Variants in CNBP observed in about 807,000 individuals in gnomAD.
CNBP encodes the protein CCHC-type zinc finger nucleic acid binding protein, also known as cellular nucleic acid-binding protein.
A neutral mutation model predicts 21.2 loss-of-function variants in CNBP; 6 were observed. The observed-to-expected ratio is 0.28, with a 90% CI of 0.16 to 0.56. CNBP has a LOEUF of 0.56. Among genes scored for constraint, CNBP ranks in the 20% least tolerant of loss-of-function variants. CNBP has a pLI of 0.93. For synonymous variants in CNBP, 61 were observed against 74.9 expected, an observed-to-expected ratio of 0.81 and a Z score of 0.96; for missense variants, 112 against 233.1, an observed-to-expected ratio of 0.48 and a Z score of 3.38.
intron 3 of CNBP, 66 bp downstream of exon 3, chr3:129,171,378 TAC>T (rs1396124020): frequency 2.5e-6 from 4 of 1,589,516 alleles, no homozygotes; most frequent in Non-Finnish European, 3.5e-6. Context: ...GGAAATGCTA[TAC>T]ACAGTTGCAT....
chr3:129,179,892 G>A (rs1176319549), intron 1 of CNBP, among the ~76,000 whole-genome samples: 1 of 152,068 alleles, frequency 6.6e-6, no homozygotes. Flanking sequence ...TATAGTCCCA[G>A]CTACTCAGGA....
In CNBP at chr3:129,168,819, G is replaced by A. The variant is rs531828845; in HGVS notation, c.*1634C>T. On this transcript the variant is annotated 3_prime_UTR_variant, in exon 5 of 5. Transcript: ENST00000422453. ...CTACTAAAAATACAAAAAATAGGCC[G>A]GGCGCGGTGGCTCACGCCTGTGATC... Among the ~76,000 whole-genome samples the A allele has an allele frequency of 9.7e-4, 147 of 151,934 alleles. No homozygotes were observed. The highest frequency in any genetic ancestry group is 3.4e-3 in the Middle Eastern group (1 of 294).
intron 1 of CNBP, among the ~76,000 whole-genome samples, chr3:129,175,318 C>T (rs931932994): frequency 9.2e-5 from 14 of 151,374 alleles, no homozygotes; most frequent in African/African-American, 2.4e-4. Flanking sequence ...AGCAAGACTC[C>T]GTCTTCAAAG....
At chr3:129,180,569 C>T (rs1241981779) in intron 1 of CNBP, among the ~76,000 whole-genome samples, 1 of 152,172 alleles carries the variant, frequency 6.6e-6, no homozygotes, top group Non-Finnish European at 1.5e-5. Context: ...CATGAAAATG[C>T]TGCATAGCTT....
At position 129,183,779 on chromosome 3, in the gene CNBP, C is replaced by T. The variant is rs1938487865; in HGVS notation, c.-18G>A. The T allele has an allele frequency of 6.5e-6, 1 of 152,970 alleles. No individual in the cohort carries two copies. The highest frequency in any genetic ancestry group is 2.1e-4 in the South Asian group (1 of 4,846). The allele number at this position is 152,970 out of a possible 1,614,324, so 9.5% of individuals were successfully genotyped here. A position where few individuals can be genotyped will look rare whatever the true frequency, so the allele number is the denominator to read the frequency against. ...GGGCCCCTCCCCCAGCCCTCACCTT[C>T]CGCGTCGGAGCGGGCCCGCAGCGGC... On this transcript the variant is annotated 5_prime_UTR_variant, in exon 1 of 5. Transcript: ENST00000422453.
At chr3:129,178,964 C>T (rs534760604) in intron 1 of CNBP, among the ~76,000 whole-genome samples, 168 of 151,888 alleles carry the variant, frequency 1.1e-3, no homozygotes, top group Non-Finnish European at 2.0e-3. Flanking sequence ...GCCAGGATGG[C>T]CCAGATTCTT....
At chr3:129,174,629 A>G (rs984218145) in intron 1 of CNBP, among the ~76,000 whole-genome samples, 1 of 147,074 alleles carries the variant, frequency 6.8e-6, no homozygotes, top group African/African-American at 2.5e-5. Context: ...ATTGCACTCC[A>G]ACGTGGGTTA....
chr3:129,169,043 A>C lies in CNBP; in HGVS notation c.*1410T>G, dbSNP rs1055172788. Among the ~76,000 whole-genome samples the C allele has an allele frequency of 6.6e-6, 1 of 151,922 alleles. No individual in the cohort carries two copies. Among genetic ancestry groups the C allele is most frequent in the African/African-American group, 2.4e-5 (1 of 41,344 alleles). ...CACGAACCCAGGAGGCGGAGCTTGC[A>C]GTGAGCCGAGATCGCACCACTACAC... On this transcript the variant is annotated 3_prime_UTR_variant, in exon 5 of 5. Transcript: ENST00000422453.
At chr3:129,180,089 T>C (rs1448772290) in intron 1 of CNBP, among the ~76,000 whole-genome samples, 5 of 152,150 alleles carry the variant, frequency 3.3e-5, no homozygotes, top group African/African-American at 4.8e-5. Flanking sequence ...AATGCTATTG[T>C]GTAATATTTT....
intron 1 of CNBP, among the ~76,000 whole-genome samples, chr3:129,175,270 G>A (rs1374065116): frequency 6.6e-6 from 1 of 151,832 alleles, no homozygotes; most frequent in Non-Finnish European, 1.5e-5. Context: ...GTTGCAGTGA[G>A]CTGAGACTGG....
chr3:129,171,629 A>G lies in CNBP; in HGVS notation c.124+5T>C, dbSNP rs1038908019. 3 of 1,614,156 alleles carry G rather than the reference A, an allele frequency of 1.9e-6. No homozygotes were observed. Among genetic ancestry groups the G allele is most frequent in the Middle Eastern group, 1.6e-4 (1 of 6,062 alleles). ...TACTTCAAATTTTTCTATTCGACAA[A>G]ATACCTCTATCCGAGGTAAAACCAC... On this transcript the variant is annotated splice_donor_5th_base_variant and intron_variant, in intron 2 of 4. Coordinates refer to ENST00000422453, the MANE Select transcript of CNBP (RefSeq NM_003418.5).
chr3:129,175,457 G>C lies in CNBP; in HGVS notation c.-14-3686C>G, dbSNP rs144324964. 3.5e-3 allele frequency among the ~76,000 whole-genome samples: 480 copies of C among 135,370 alleles called. 27 individuals carry two copies. The East Asian group carries it at 0.09, about 25-fold the overall frequency. The allele number at this position is 135,370 out of a possible 152,430, so 88.8% of individuals were successfully genotyped here. Reference sequence around the variant, plus strand: ...CTTTTTTTTTTTTTTTTTTGAGACAGTCTCGCTCTGTCACCAGGCTGGAGT... The same window carrying C: ...CTTTTTTTTTTTTTTTTTTGAGACACTCTCGCTCTGTCACCAGGCTGGAGT... On this transcript the variant is annotated intron_variant, in intron 1 of 4. Coordinates refer to ENST00000422453, the MANE Select transcript of CNBP (RefSeq NM_003418.5).
At chr3:129,178,834 C>A (rs920891603) in intron 1 of CNBP, among the ~76,000 whole-genome samples, 8 of 152,026 alleles carry the variant, frequency 5.3e-5, no homozygotes, top group African/African-American at 1.9e-4. Context: ...GCTCCACCTC[C>A]CAGGTTCACC....
chr3:129,172,228 C>T (rs557296569), intron 1 of CNBP, among the ~76,000 whole-genome samples: 1 of 152,032 alleles, frequency 6.6e-6, no homozygotes, highest in African/African-American at 2.4e-5. Flanking sequence ...TTATAATATA[C>T]ACCTTGATAA....
intron 1 of CNBP, among the ~76,000 whole-genome samples, chr3:129,174,509 T>C (rs1325645246): frequency 6.6e-6 from 1 of 151,318 alleles, no homozygotes; most frequent in Non-Finnish European, 1.5e-5. Flanking sequence ...CTACTAAAAA[T>C]GCAAAATTAG....
Position 129,170,444 on chromosome 3 carries a change from G to A in CNBP, c.*9C>T, listed in dbSNP as rs1174529636. 6.2e-7 allele frequency: 1 copy of A among 1,606,668 alleles called. No individual in the cohort carries two copies. The highest frequency in any genetic ancestry group is 1.1e-5 in the South Asian group (1 of 90,934). On this transcript the variant is annotated 3_prime_UTR_variant, in exon 5 of 5. Coordinates refer to ENST00000422453, the MANE Select transcript of CNBP (RefSeq NM_003418.5). ...AATCAGAAAAAGGAGGGGCGACAAA[G>A]GAAAATAATTAGGCTGTAGCCTCAA...
chr3:129,179,976 C>T (rs1011234523), intron 1 of CNBP, among the ~76,000 whole-genome samples: 8 of 151,960 alleles, frequency 5.3e-5, no homozygotes, highest in Middle Eastern at 3.4e-3. Flanking sequence ...ATTGCACTCC[C>T]GCCTGGGCGA....
At chr3:129,174,811 T>C (rs1009257093) in intron 1 of CNBP, among the ~76,000 whole-genome samples, 1 of 152,210 alleles carries the variant, frequency 6.6e-6, no homozygotes, top group Non-Finnish European at 1.5e-5. Context: ...TATTTGCACA[T>C]AAATGATTAC....
chr3:129,182,293 CAAA>C (rs1386807849), intron 1 of CNBP, among the ~76,000 whole-genome samples: 30 of 152,200 alleles, frequency 2.0e-4, no homozygotes, highest in Middle Eastern at 3.4e-3. Context: ...TTGAGAAAGA[CAAA>C]AAACAAATTC....
Sources: gnomAD v4.1 joint callset for allele counts (sites outside exome capture counted in the v4.1 genomes callset) on GRCh38, gnomAD v4.1.1 for gene constraint, MANE v1.5 for transcripts, NCBI Gene and HGNC (gene_info 2026-07-23, HGNC 2026-07-21) for gene names.